The following PTPRK variants were observed in gnomAD, a reference collection of about 807,000 sequenced individuals.
PTPRK encodes protein tyrosine phosphatase receptor type K.
Under a neutral mutation model 178.0 loss-of-function variants are expected in PTPRK, and 75 were observed. That is an observed-to-expected ratio of 0.42 (90% confidence interval 0.35 to 0.51). PTPRK has a LOEUF of 0.51. Among genes scored for constraint, PTPRK ranks in the 20% least tolerant of loss-of-function variants. The pLI is 0.02. For synonymous variants in PTPRK, 637 were observed against 620.6 expected, an observed-to-expected ratio of 1.03 and a Z score of -0.39; for missense variants, 1,441 against 1,797.8, an observed-to-expected ratio of 0.80 and a Z score of 3.59.
intron 7 of PTPRK, among the ~76,000 whole-genome samples, chr6:128,175,994 C>T (rs1214765675): frequency 5.3e-5 from 8 of 151,774 alleles, no homozygotes; most frequent in Non-Finnish European, 1.0e-4. Flanking sequence ...ACAATGCACA[C>T]ACATGCATGA....
chr6:128,209,566 T>C (rs1807681490), intron 6 of PTPRK, among the ~76,000 whole-genome samples: 2 of 152,146 alleles, frequency 1.3e-5, no homozygotes, highest in Non-Finnish European at 1.5e-5. Context: ...CACATTAAAT[T>C]CATGTCATTC....
chr6:128,418,841 T>C (rs1843128471), intron 1 of PTPRK, among the ~76,000 whole-genome samples: 1 of 152,236 alleles, frequency 6.6e-6, no homozygotes, highest in Admixed American at 6.5e-5. Context: ...CCTTCTTGTC[T>C]ATATCATTCT....
chr6:128,247,155 G>T (rs1042311964), intron 3 of PTPRK, among the ~76,000 whole-genome samples: 2 of 152,100 alleles, frequency 1.3e-5, no homozygotes, highest in African/African-American at 4.8e-5. Context: ...TTCTTGTGAA[G>T]ACTGAATGGT....
At position 128,005,138 on chromosome 6, in the gene PTPRK, C is replaced by A. The variant is rs1778270657; in HGVS notation, c.2440G>T (p.Ala814Ser). The A allele has an allele frequency of 1.9e-6, 3 of 1,611,204 alleles. No homozygotes were observed. The highest frequency in any genetic ancestry group is 1.7e-6 in the Non-Finnish European group (2 of 1,178,382). The change falls in exon 15 of 30, where the codon GCA (alanine) becomes TCA (serine). Residue 814 changes from alanine to serine, a missense_variant. Ala to Ser is a moderately conservative substitution (Grantham distance 99). Coordinates refer to ENST00000368226, the MANE Select transcript of PTPRK (RefSeq NM_002844.4). ...RSYADQSTLH[A>S]EDPLSITFMD... ...AAGGTGATGGAAAGAGGATCTTCTG[C>A]ATGCAGAGTGCTCTGATCAGCATAA...
intron 7 of PTPRK, among the ~76,000 whole-genome samples, chr6:128,175,437 G>C (rs186651359): frequency 6.6e-6 from 1 of 151,730 alleles, no homozygotes; most frequent in Non-Finnish European, 1.5e-5. Context: ...GGCCAATAGC[G>C]GGAGTTAGTC....
chr6:128,477,948 C>T (rs1584903015), intron 1 of PTPRK, among the ~76,000 whole-genome samples: 3 of 151,938 alleles, frequency 2.0e-5, no homozygotes, highest in African/African-American at 7.3e-5. Context: ...GCCACTGCCA[C>T]CAAAATGAAG....
chr6:128,153,254 G>A (rs967962575), intron 7 of PTPRK, among the ~76,000 whole-genome samples: 1 of 151,778 alleles, frequency 6.6e-6, no homozygotes, highest in Non-Finnish European at 1.5e-5. Flanking sequence ...AAGTTAGAAT[G>A]ATAATGGTAA....
intron 6 of PTPRK, among the ~76,000 whole-genome samples, chr6:128,196,066 A>T (rs920077870): frequency 2.0e-5 from 3 of 152,132 alleles, no homozygotes; most frequent in Non-Finnish European, 4.4e-5. Context: ...TCAGGTAGAC[A>T]TGACCTGGGA....
chr6:128,264,896 C>T (rs1818720447), intron 3 of PTPRK, among the ~76,000 whole-genome samples: 2 of 152,044 alleles, frequency 1.3e-5, no homozygotes, highest in African/African-American at 4.8e-5. Flanking sequence ...TGGGAATTTC[C>T]CTGCACAAGC....
chr6:128,490,552 A>G (rs963650760), intron 1 of PTPRK, among the ~76,000 whole-genome samples: 1 of 152,192 alleles, frequency 6.6e-6, no homozygotes, highest in Non-Finnish European at 1.5e-5. Flanking sequence ...GAGAAGCAGT[A>G]CAGCATGGTG....
At chr6:128,218,811 G>A in intron 6 of PTPRK, 111 bp downstream of exon 6, 1 of 967,396 alleles carries the variant, frequency 1.0e-6, no homozygotes, top group South Asian at 1.9e-5. Flanking sequence ...TTTTTATAGT[G>A]ACTTGACATC....
chr6:128,142,226 C>G (rs962584545), intron 7 of PTPRK, among the ~76,000 whole-genome samples: 3 of 151,994 alleles, frequency 2.0e-5, no homozygotes, highest in South Asian at 2.1e-4. Flanking sequence ...AGAGCAGAAG[C>G]CTTTCAGAAC....
rs909453921 is a variant in PTPRK at position 128,445,202 on chromosome 6, A to T, written c.101-47514T>A. ...GACCCCCAACTCTACTATTTTATTT[A>T]TATATATATATATATATAATTTATA... On this transcript the variant is annotated intron_variant, in intron 1 of 29. Transcript: ENST00000368226. Among the ~76,000 whole-genome samples, 21 of 121,434 alleles carry T rather than the reference A, an allele frequency of 1.7e-4. 1 individual carries two copies. The highest frequency in any genetic ancestry group is 1.0e-3 in the Admixed American group (13 of 13,048). 79.7% of individuals were successfully genotyped at this position (121,434 alleles called of 152,430 possible). A position where few individuals can be genotyped will look rare whatever the true frequency, so the allele number is the denominator to read the frequency against.
chr6:128,098,971 G>A (rs1788348154), intron 7 of PTPRK, among the ~76,000 whole-genome samples: 1 of 151,116 alleles, frequency 6.6e-6, no homozygotes, highest in Non-Finnish European at 1.5e-5. Flanking sequence ...ACTAAATATT[G>A]GAATAATAAT....
chr6:128,005,192 T>TCATCTCCTG lies in PTPRK; in HGVS notation c.2377_2385dup (p.Gln793_Met795dup). 2 of 1,611,592 alleles carry TCATCTCCTG rather than the reference T, an allele frequency of 1.2e-6. No homozygotes were observed. Among genetic ancestry groups the TCATCTCCTG allele is most frequent in the African/African-American group, 2.7e-5 (2 of 74,820 alleles). On this transcript the variant is annotated inframe_insertion, in exon 15 of 30. Transcript: ENST00000368226. ...CGATCCATTGCATTCACCATGTGAG[T>TCATCTCCTG]CATCTCCTGCCGGGTATTCCCCATG...
chr6:128,512,566 A>G (rs1407692980), intron 1 of PTPRK, among the ~76,000 whole-genome samples: 1 of 152,230 alleles, frequency 6.6e-6, no homozygotes, highest in Non-Finnish European at 1.5e-5. Flanking sequence ...GTAAATGGAT[A>G]ACAAAAAACA....
At chr6:128,149,732 T>C (rs1180701383) in intron 7 of PTPRK, among the ~76,000 whole-genome samples, 1 of 152,180 alleles carries the variant, frequency 6.6e-6, no homozygotes, top group Non-Finnish European at 1.5e-5. Context: ...ATGTTTGTAA[T>C]ATAACTTTCT....
intron 8 of PTPRK, among the ~76,000 whole-genome samples, chr6:128,085,740 T>C (rs896143374): frequency 1.3e-5 from 2 of 152,326 alleles, no homozygotes; most frequent in Admixed American, 6.5e-5. Flanking sequence ...GTTTTGACAA[T>C]AGAATTCACT....
intron 1 of PTPRK, among the ~76,000 whole-genome samples, chr6:128,427,791 A>C (rs1210542334): frequency 6.6e-6 from 1 of 152,088 alleles, no homozygotes; most frequent in Non-Finnish European, 1.5e-5. Flanking sequence ...CTAGCAAGAC[A>C]ATATAAAACA....
Sources: gnomAD v4.1 joint callset for allele counts (sites outside exome capture counted in the v4.1 genomes callset) on GRCh38, gnomAD v4.1.1 for gene constraint, MANE v1.5 for transcripts, NCBI Gene and HGNC (gene_info 2026-07-23, HGNC 2026-07-21) for gene names.